The following CYP2A7 variants were observed in gnomAD, a reference collection of about 807,000 sequenced individuals.
CYP2A7 encodes cytochrome P450 family 2 subfamily A member 7, also known as cytochrome P450 2A7.
CYP2A7 carries 36 observed loss-of-function variants against 42.0 expected under a neutral mutation model. The observed-to-expected ratio is 0.86, with a 90% CI of 0.66 to 1.13. The LOEUF (loss-of-function observed/expected upper bound fraction) is 1.13, where lower values mean the gene tolerates loss of function less well. Among genes scored for constraint, CYP2A7 ranks in the 50% most tolerant of loss-of-function variants. The pLI, the probability that CYP2A7 is intolerant of heterozygous loss-of-function variation, is 0.00. For missense variants in CYP2A7, 661 were observed against 634.1 expected (o/e 1.04, Z -0.46); for synonymous variants, 260 against 249.5 (o/e 1.04, Z -0.40).
At chr19:40,876,359 A>G in intron 8 of CYP2A7, 168 bp downstream of exon 8, 1 of 1,117,536 alleles carries the variant, frequency 8.9e-7, no homozygotes, top group East Asian at 2.4e-5. Flanking sequence ...GGGTGCAGGT[A>G]CTGGGTGCTT....
At chr19:40,877,432 G>A in intron 6 of CYP2A7, 55 bp from the exon 7 acceptor site, 20 of 1,596,094 alleles carry the variant, frequency 1.3e-5, no homozygotes, top group East Asian at 2.2e-5. Flanking sequence ...AGCAGGAAAT[G>A]ATAGTCTGAA....
chr19:40,878,875 T>C lies in CYP2A7; in HGVS notation c.716A>G (p.Lys239Arg), dbSNP rs766702620. The change falls in exon 5 of 9, where the codon AAG becomes AGG. Residue 239 changes from lysine (K) to arginine (R), a missense_variant. Coordinates refer to ENST00000301146, the MANE Select transcript of CYP2A7 (RefSeq NM_000764.3). ...HLPGPQQQAF[K>R]LLQGLEDFIA... The stretch of plus-strand genomic sequence containing the variant: ...GAAGTCCTCCAGCCCTTGCAGCAAC[T>C]TAAAGGCCTGTTGCTGTGGTCCTGG... 8.7e-6 allele frequency: 14 copies of C among 1,610,698 alleles called. No individual in the cohort carries two copies. In the South Asian group the frequency reaches 1.4e-4, roughly 16 times the overall value.
chr19:40,875,986 G>C, intron 8 of CYP2A7, 112 bp from the exon 9 acceptor site: 1 of 1,465,834 alleles, frequency 6.8e-7, no homozygotes. Flanking sequence ...GAATATTATG[G>C]CCTGAGAGAG....
chr19:40,878,769 G>T lies in CYP2A7; in HGVS notation c.822C>A (p.His274Gln). ...PQDFIDSFLI[H>Q]MQEEEKNPNT... ...GGCTGCTGGGGTGTACCTCCTGCAT[G>T]TGGATGAGAAAGGAGTCGATGAAGT... Residue 274 changes from histidine (H) to glutamine (Q), a missense_variant, in exon 5 of 9, where the codon CAC becomes CAA. This residue lies in a region of CYP2A7 where 614 missense variants were observed against 552.4 expected (regional missense o/e 1.11). Transcript: ENST00000301146. The T allele has an allele frequency of 1.9e-6, 3 of 1,611,078 alleles. No individual in the cohort carries two copies. Among genetic ancestry groups the T allele is most frequent in the Non-Finnish European group, 2.5e-6 (3 of 1,178,048 alleles).
intron 8 of CYP2A7, chr19:40,876,260 G>C: frequency 1.7e-6 from 1 of 605,478 alleles, no homozygotes. Context: ...CTGCTGTGCC[G>C]TCATCTCCTT....
intron 8 of CYP2A7, among the ~76,000 whole-genome samples, 174 bp from the exon 9 acceptor site, chr19:40,876,048 A>C (rs1017732553): frequency 1.3e-5 from 2 of 151,812 alleles, no homozygotes; most frequent in Admixed American, 6.6e-5. Flanking sequence ...TCTACAAGAG[A>C]TGTAACAATG....
intron 7 of CYP2A7, 79 bp from the exon 8 acceptor site, chr19:40,876,747 T>C: frequency 3.3e-6 from 5 of 1,527,310 alleles, no homozygotes; most frequent in Non-Finnish European, 4.4e-6. Context: ...GAGGGGGAAC[T>C]AGTGTGCCCC....
rs1164544295 is a variant in CYP2A7 at position 40,876,604 on chromosome 19, T to C, written c.1226A>G (p.Gln409Arg). ...CAGGAAATGCTGGGGATTGAAGTCC[T>C]GAGGGTTGGAGAAGAAGCTGGGGTC... is the stretch of plus-strand genomic sequence containing the variant. ...LRDPSFFSNP[Q>R]DFNPQHFLDD... Residue 409 changes from glutamine to arginine, a missense_variant, in exon 8 of 9, where the codon CAG becomes CGG. Coordinates refer to ENST00000301146, the MANE Select transcript of CYP2A7 (RefSeq NM_000764.3). The C allele has an allele frequency of 1.2e-6, 2 of 1,612,930 alleles. No individual in the cohort carries two copies. Among genetic ancestry groups the C allele is most frequent in the South Asian group, 1.1e-5 (1 of 91,018 alleles).
At chr19:40,878,670 A>T in intron 5 of CYP2A7, 90 bp downstream of exon 5, 1 of 1,531,422 alleles carries the variant, frequency 6.5e-7, no homozygotes, top group Non-Finnish European at 8.9e-7. Flanking sequence ...GGCTAATTTG[A>T]ACGGGTCTGT....
At position 40,875,653 on chromosome 19, in the gene CYP2A7, C is replaced by T. The variant is rs755358592; in HGVS notation, c.*40G>A. 16 of 1,610,942 alleles carry T rather than the reference C, an allele frequency of 9.9e-6. 1 individual carries two copies. The South Asian group carries it at 1.2e-4, about 12-fold the overall frequency. On this transcript the variant is annotated 3_prime_UTR_variant, in exon 9 of 9. Transcript: ENST00000301146. ...AACCCCGCCCTGACCCCGCCTTTCC[C>T]TGGCCCCGCCCACCAGACCTGCACC...
Position 40,875,894 on chromosome 19 carries a change from G to T in CYP2A7, c.1304-20C>A. The T allele has an allele frequency of 6.7e-7, 1 of 1,501,480 alleles. No individual in the cohort carries two copies. 93.0% of individuals were successfully genotyped at this position (1,501,480 alleles called of 1,614,324 possible). A position where few individuals can be genotyped will look rare whatever the true frequency, so the allele number is the denominator to read the frequency against. On this transcript the variant is annotated intron_variant, in intron 8 of 8. Coordinates refer to ENST00000301146, the MANE Select transcript of CYP2A7 (RefSeq NM_000764.3). ...GCTTTCCTGAGGAGGAGAGGCGGGA[G>T]GGGTGGAGGTGAAGCCCACTCTCAG...
intron 5 of CYP2A7, among the ~76,000 whole-genome samples, chr19:40,878,363 G>A (rs368300400): frequency 6.6e-6 from 1 of 151,746 alleles, no homozygotes; most frequent in Non-Finnish European, 1.5e-5. Flanking sequence ...GCATGACCAT[G>A]CAGGCTCACT....
chr19:40,881,790 C>T lies in CYP2A7; in HGVS notation c.181-39G>A, dbSNP rs749225330. On this transcript the variant is annotated intron_variant, in intron 1 of 8. Coordinates refer to ENST00000301146, the MANE Select transcript of CYP2A7 (RefSeq NM_000764.3). ...GTGGGAGTGGTTAGAGGGAGCAGCC[C>T]CCACTCTGAATGGGGCCCAGCACCG... The T allele has an allele frequency of 1.5e-5, 24 of 1,600,660 alleles. No individual in the cohort carries two copies. The Admixed American group carries it at 1.5e-4, about 10-fold the overall frequency.
At position 40,875,456 on chromosome 19, in the gene CYP2A7, C is replaced by G. The variant is rs1326352612; in HGVS notation, c.*237G>C. On this transcript the variant is annotated 3_prime_UTR_variant, in exon 9 of 9. Coordinates refer to ENST00000301146, the MANE Select transcript of CYP2A7 (RefSeq NM_000764.3). ...GTACGTGCTCAGGAAATAAGAGCTGCTATTATTACTACTCTTCATAGCATA... is the reference window on the plus strand; with the variant it reads ...GTACGTGCTCAGGAAATAAGAGCTGGTATTATTACTACTCTTCATAGCATA... 1 of 544,918 alleles carries G rather than the reference C, an allele frequency of 1.8e-6. No homozygotes were observed. The highest frequency in any genetic ancestry group is 3.3e-6 in the Non-Finnish European group (1 of 306,120). The allele number at this position is 544,918 out of a possible 1,614,324, so 33.8% of individuals were successfully genotyped here.
At chr19:40,880,360 G>T in intron 3 of CYP2A7, 116 bp from the exon 4 acceptor site, 1 of 1,545,360 alleles carries the variant, frequency 6.5e-7, no homozygotes, top group Non-Finnish European at 8.8e-7. Flanking sequence ...CCAGACTCCA[G>T]GGCTGGAAGT....
chr19:40,881,881 T>C (rs1255007581), intron 1 of CYP2A7, 130 bp from the exon 2 acceptor site: 2 of 1,508,196 alleles, frequency 1.3e-6, no homozygotes, highest in African/African-American at 2.8e-5. Flanking sequence ...CATCCCAAGA[T>C]CCTGTCTTTC....
chr19:40,876,476 A>G, intron 8 of CYP2A7, 51 bp downstream of exon 8: 10 of 1,611,684 alleles, frequency 6.2e-6, no homozygotes, highest in Non-Finnish European at 8.5e-6. Flanking sequence ...TGGGTGAGGG[A>G]GGCGCCTGCT....
intron 2 of CYP2A7, 105 bp from the exon 3 acceptor site, chr19:40,880,733 T>G (rs1599794628): frequency 8.3e-7 from 1 of 1,198,158 alleles, no homozygotes; most frequent in South Asian, 1.5e-5. Context: ...GGTAGTGGGG[T>G]GGGAGAGAGA....
At position 40,880,462 on chromosome 19, in the gene CYP2A7, C is replaced by A; in HGVS notation, c.493+17G>T. ...GTTTTCCTTCTCCTGCCCCCGCACTCGGGGAACCTTACTCACCGTGCGTGC... is the reference window on the plus strand; with the variant it reads ...GTTTTCCTTCTCCTGCCCCCGCACTAGGGGAACCTTACTCACCGTGCGTGC... On this transcript the variant is annotated intron_variant, in intron 3 of 8. Transcript: ENST00000301146. 1 of 1,609,488 alleles carries A rather than the reference C, an allele frequency of 6.2e-7. No individual in the cohort carries two copies. The highest frequency in any genetic ancestry group is 1.1e-5 in the South Asian group (1 of 90,906).
Sources: allele counts gnomAD v4.1 joint callset (sites outside exome capture counted in the v4.1 genomes callset), GRCh38; gene constraint gnomAD v4.1.1; regional missense constraint gnomAD v4.1.1; transcripts MANE v1.5; gene names NCBI Gene and HGNC (gene_info 2026-07-23, HGNC 2026-07-21).